OPN1SW: variants seen among roughly 807,000 people sequenced by gnomAD.
The protein encoded by OPN1SW is short-wave-sensitive opsin 1.
Under a neutral mutation model 31.9 loss-of-function variants are expected in OPN1SW, and 25 were observed. The ratio of observed to expected loss-of-function variants is 0.78; its 90% CI spans 0.57 to 1.09. OPN1SW has a LOEUF of 1.09. Among genes scored for constraint, OPN1SW ranks in the 50% least tolerant of loss-of-function variants. The pLI is 0.00. For missense variants in OPN1SW, 424 were observed against 448.0 expected, an observed-to-expected ratio of 0.95 and a Z score of 0.48; for synonymous variants, 190 against 171.9, an observed-to-expected ratio of 1.11 and a Z score of -0.82.
chr7:128,774,506 G>C lies in OPN1SW; in HGVS notation c.670C>G (p.Leu224Val), dbSNP rs760023341. Residue 224 changes from leucine (L) to valine (V), a missense_variant, in exon 3 of 5, where the codon CTG becomes GTG. Leu to Val is a conservative substitution (Grantham distance 32). Coordinates refer to ENST00000249389, the MANE Select transcript of OPN1SW (RefSeq NM_001385125.1). Reference sequence around the variant, plus strand: ...TATCAAATGCCACTCACAGCTTTCAGGGCCCTCAGCAGCTGAGTGTAGGAG... The same window carrying C: ...TATCAAATGCCACTCACAGCTTTCACGGCCCTCAGCAGCTGAGTGTAGGAG... ...CFSYTQLLRA[L>V]KAVAAQQQES... 5 of 1,613,908 alleles carry C rather than the reference G, an allele frequency of 3.1e-6. No individual in the cohort carries two copies. In the South Asian group the frequency reaches 4.4e-5, roughly 14 times the overall value.
In OPN1SW at chr7:128,774,532, A is replaced by G; in HGVS notation, c.644T>C (p.Phe215Ser). ...GGCCCTCAGCAGCTGAGTGTAGGAG[A>G]AGCAGATGAGGGAGAGAGGCACAAT... The part of the protein sequence containing the change: ...CFIVPLSLIC[F>S]SYTQLLRALK... Residue 215 changes from phenylalanine (F) to serine (S), a missense_variant, in exon 3 of 5, where the codon TTC (phenylalanine) becomes TCC (serine). Phe to Ser is a radical substitution (Grantham distance 155). Transcript: ENST00000249389. 6.2e-7 allele frequency: 1 copy of G among 1,613,984 alleles called. No homozygotes were observed. The highest frequency in any genetic ancestry group is 1.1e-5 in the South Asian group (1 of 91,064).
In OPN1SW at chr7:128,774,683, TG is replaced by T. The variant is rs1178361684; in HGVS notation, c.513-21del. 1.2e-6 allele frequency: 2 copies of T among 1,613,992 alleles called. No individual in the cohort carries two copies. The highest frequency in any genetic ancestry group is 2.2e-5 in the South Asian group (2 of 91,082). On this transcript the variant is annotated intron_variant, in intron 2 of 4. Transcript: ENST00000249389. Reference sequence around the variant, plus strand: ...ATGAACCTGCAAAGGACCAAACACTTGCTCACTGGACTCTCCACAAGAGTGC... The same window carrying T: ...ATGAACCTGCAAAGGACCAAACACTTCTCACTGGACTCTCCACAAGAGTGC...
chr7:128,775,451 C>T lies in OPN1SW; in HGVS notation c.331G>A (p.Gly111Ser), dbSNP rs1801741025. The change falls in exon 1 of 5, where the codon GGC (glycine) becomes AGC (serine). Residue 111 changes from glycine (G) to serine (S), a missense_variant. Transcript: ENST00000249389. Reference protein sequence around the residue: ...RHVCALEGFLGTVAGLVTGWS... With the variant: ...RHVCALEGFLSTVAGLVTGWS... ...TCCCCTGCAGTACCTGCTACAGTGC[C>T]CAGGAAGCCCTCCAAAGCACAAACA... 1 of 1,613,462 alleles carries T rather than the reference C, an allele frequency of 6.2e-7. No individual in the cohort carries two copies. Among genetic ancestry groups the T allele is most frequent in the Non-Finnish European group, 8.5e-7 (1 of 1,179,636 alleles).
At chr7:128,774,445 T>C (rs1375107625) in intron 3 of OPN1SW, 53 bp downstream of exon 3, 4 of 1,607,274 alleles carry the variant, frequency 2.5e-6, no homozygotes, top group Non-Finnish European at 3.4e-6. Flanking sequence ...GCACTCTTCC[T>C]TCTCATGTGG....
In OPN1SW at chr7:128,773,779, G is replaced by A. The variant is rs1274758179; in HGVS notation, c.788C>T (p.Ala263Val). Residue 263 changes from alanine to valine, a missense_variant, in exon 4 of 5, where the codon GCG (alanine) becomes GTG (valine). Ala to Val is a moderately conservative substitution (Grantham distance 64). Coordinates refer to ENST00000249389, the MANE Select transcript of OPN1SW (RefSeq NM_001385125.1). ...GTTGACCATGTACATGGCGAAGGCC[G>A]CGTAGGGCACGTAGCAGACACAGAA... ...GSFCVCYVPY[A>V]AFAMYMVNNR... 6.2e-6 allele frequency: 10 copies of A among 1,614,122 alleles called. No individual in the cohort carries two copies. The highest frequency in any genetic ancestry group is 1.6e-4 in the Middle Eastern group (1 of 6,062).
Position 128,774,647 on chromosome 7 carries a change from G to C in OPN1SW, c.529C>G (p.Leu177Val), listed in dbSNP as rs1294701364. 3 of 1,614,018 alleles carry C rather than the reference G, an allele frequency of 1.9e-6. No individual in the cohort carries two copies. Among genetic ancestry groups the C allele is most frequent in the Non-Finnish European group, 2.5e-6 (3 of 1,180,038 alleles). Residue 177 changes from leucine (L) to valine (V), a missense_variant, in exon 3 of 5, where the codon CTG (leucine) becomes GTG (valine). Leu to Val is a conservative substitution (Grantham distance 32). Coordinates refer to ENST00000249389, the MANE Select transcript of OPN1SW (RefSeq NM_001385125.1). ...CAGTCAGGGCCACAGGAACACTGCA[G>C]GCCCTCAGGGATGAACCTGCAAAGG... is the stretch of plus-strand genomic sequence containing the variant. ...FGWSRFIPEG[L>V]QCSCGPDWYT...
chr7:128,775,154 C>A lies in OPN1SW; in HGVS notation c.344G>T (p.Gly115Val), dbSNP rs1382718881. The A allele has an allele frequency of 6.2e-7, 1 of 1,613,852 alleles. No homozygotes were observed. Among genetic ancestry groups the A allele is most frequent in the Non-Finnish European group, 8.5e-7 (1 of 1,179,950 alleles). The change falls in exon 2 of 5, where the codon GGT becomes GTT. Residue 115 changes from glycine (G) to valine (V), a missense_variant and splice_region_variant. Physicochemically the swap from Gly to Val is moderately radical, Grantham distance 109. Coordinates refer to ENST00000249389, the MANE Select transcript of OPN1SW (RefSeq NM_001385125.1). ...GGCCAGTGACCATCCTGTAACCAGA[C>A]CTGTGGTGAAATGTGAGGATAATGG... ...ALEGFLGTVAGLVTGWSLAFL... is the reference protein window; with the variant it reads ...ALEGFLGTVAVLVTGWSLAFL...
rs538316333 is a variant in OPN1SW, at chr7:128,774,332, C to G, written c.678+166G>C. Among the ~76,000 whole-genome samples the G allele has an allele frequency of 3.9e-5, 6 of 152,256 alleles. No homozygotes were observed. In the East Asian group the frequency reaches 1.2e-3, roughly 29 times the overall value. On this transcript the variant is annotated intron_variant, in intron 3 of 4. Coordinates refer to ENST00000249389, the MANE Select transcript of OPN1SW (RefSeq NM_001385125.1). ...CCTCTTTTCTGTCCCATCTCCTGGCCTAGTTCCTTTGGATCTCCATCATTC... is the reference window on the plus strand; with the variant it reads ...CCTCTTTTCTGTCCCATCTCCTGGCGTAGTTCCTTTGGATCTCCATCATTC...
At chr7:128,774,473 TC>T (rs1276950466) in intron 3 of OPN1SW, 24 bp downstream of exon 3, 1 of 1,613,158 alleles carries the variant, frequency 6.2e-7, no homozygotes, top group Admixed American at 1.7e-5. Flanking sequence ...AACCCCTTCT[TC>T]CCTGACTATC....
At chr7:128,775,351 C>G (rs1044611131) in intron 1 of OPN1SW, 88 bp downstream of exon 1, 1 of 1,412,698 alleles carries the variant, frequency 7.1e-7, no homozygotes, top group African/African-American at 1.4e-5. Flanking sequence ...AAGCACCAGA[C>G]TCATTTCCCC....
intron 4 of OPN1SW, 114 bp from the exon 5 acceptor site, chr7:128,772,773 C>A: frequency 7.0e-7 from 1 of 1,427,802 alleles, no homozygotes; most frequent in South Asian, 1.2e-5. Flanking sequence ...CCAGAATGCC[C>A]TTAGGTGGTT....
intron 3 of OPN1SW, among the ~76,000 whole-genome samples, 186 bp downstream of exon 3, chr7:128,774,312 T>C (rs1801705830): frequency 6.6e-6 from 1 of 152,182 alleles, no homozygotes; most frequent in Non-Finnish European, 1.5e-5. Flanking sequence ...GATTGCCTCT[T>C]TTCTGTCCCA....
At chr7:128,775,179 G>A in intron 1 of OPN1SW, 25 bp from the exon 2 acceptor site, 1 of 1,611,572 alleles carries the variant, frequency 6.2e-7, no homozygotes, top group Non-Finnish European at 8.5e-7. Context: ...GAGGATAATG[G>A]GCTAGACAGA....
At chr7:128,773,547 C>CT (rs1801679863) in intron 4 of OPN1SW, 102 bp downstream of exon 4, 1 of 1,533,724 alleles carries the variant, frequency 6.5e-7, no homozygotes, top group South Asian at 1.1e-5. Flanking sequence ...CCCTCGTCTA[C>CT]TAGAAACCTG....
chr7:128,772,645 G>T lies in OPN1SW; in HGVS notation c.933C>A (p.Ile311=). The T allele has an allele frequency of 1.2e-6, 2 of 1,614,126 alleles. No homozygotes were observed. The highest frequency in any genetic ancestry group is 1.7e-6 in the Non-Finnish European group (2 of 1,179,996). Residue 311 remains isoleucine (I), a synonymous_variant, in exon 5 of 5, where the codon ATC becomes ATA. Transcript: ENST00000249389. The part of the protein sequence containing the change: ...CFMNKQFQAC[I]MKMVCGKAMT... ...TGGCCTTCCCACACACCATCTTCAT[G>T]ATGCAAGCTTGGAACTGGAGAGAAA...
At chr7:128,773,606 C>A (rs755095845) in intron 4 of OPN1SW, 43 bp downstream of exon 4, 2 of 1,613,638 alleles carry the variant, frequency 1.2e-6, no homozygotes, top group East Asian at 4.5e-5. Flanking sequence ...GAGAAAAGAA[C>A]CAGGGTCTTC....
At chr7:128,772,778 G>A in intron 4 of OPN1SW, 119 bp from the exon 5 acceptor site, 5 of 1,391,312 alleles carry the variant, frequency 3.6e-6, no homozygotes, top group Non-Finnish European at 5.0e-6. Context: ...ATGCCCTTAG[G>A]TGGTTTTGAA....
Position 128,775,150 on chromosome 7 carries a change from C to G in OPN1SW, c.348G>C (p.Leu116=), listed in dbSNP as rs769049906. 6.2e-7 allele frequency: 1 copy of G among 1,614,040 alleles called. No homozygotes were observed. Among genetic ancestry groups the G allele is most frequent in the Admixed American group, 1.7e-5 (1 of 60,014 alleles). The change falls in exon 2 of 5, where the codon CTG becomes CTC. Residue 116 remains leucine (L), a synonymous_variant. Transcript: ENST00000249389. ...LEGFLGTVAG[L]VTGWSLAFLA... ...GGAAGGCCAGTGACCATCCTGTAAC[C>G]AGACCTGTGGTGAAATGTGAGGATA...
In OPN1SW at chr7:128,775,760, G is replaced by A. The variant is rs55974922; in HGVS notation, c.22C>T (p.Leu8=). 1.0e-2 allele frequency: 16,124 copies of A among 1,614,046 alleles called. 91 individuals are homozygous for A. The highest frequency in any genetic ancestry group is 0.012 in the Non-Finnish European group (13,905 of 1,179,964). Residue 8 remains leucine (L), a synonymous_variant, in exon 1 of 5, where the codon CTG becomes TTG. Coordinates refer to ENST00000249389, the MANE Select transcript of OPN1SW (RefSeq NM_001385125.1). MSEEEFY[L]FKNISSVGPW... ...CCCACTGAAGAGATATTTTTGAACAGATAAAACTCTTCCTCCGACATTTTT... is the reference window on the plus strand; with the variant it reads ...CCCACTGAAGAGATATTTTTGAACAAATAAAACTCTTCCTCCGACATTTTT...
Sources: gnomAD v4.1 joint callset for allele counts (sites outside exome capture counted in the v4.1 genomes callset) on GRCh38, gnomAD v4.1.1 for gene constraint, MANE v1.5 for transcripts, NCBI Gene and HGNC (gene_info 2026-07-23, HGNC 2026-07-21) for gene names.